The following ANKRD13C variants were observed in gnomAD, a reference collection of about 807,000 sequenced individuals.
The protein encoded by ANKRD13C is ankyrin repeat domain-containing protein 13C.
ANKRD13C carries 16 observed loss-of-function variants against 65.5 expected under a neutral mutation model. The ratio of observed to expected loss-of-function variants is 0.24; its 90% CI spans 0.17 to 0.37. ANKRD13C has a LOEUF of 0.37. Ranked by LOEUF, ANKRD13C falls within the 10% of genes least tolerant of loss-of-function variation. The pLI is 1.00. For missense variants in ANKRD13C, 503 were observed against 655.9 expected (o/e 0.77, Z 2.55); for synonymous variants, 235 against 238.7 (o/e 0.98, Z 0.14).
intron 11 of ANKRD13C, 129 bp from the exon 12 acceptor site, chr1:70,271,085 A>G: frequency 1.7e-6 from 1 of 585,278 alleles, no homozygotes; most frequent in Non-Finnish European, 3.1e-6. Flanking sequence ...AGTAAATTAC[A>G]GACTTTATTC....
At position 70,260,090 on chromosome 1, in the gene ANKRD13C, G is replaced by C. The variant is rs1026681730; in HGVS notation, c.*2627C>G. On this transcript the variant is annotated 3_prime_UTR_variant, in exon 13 of 13. Coordinates refer to ENST00000370944, the MANE Select transcript of ANKRD13C (RefSeq NM_030816.5). ...AAACCCATTTTTATTAGCATGAGTG[G>C]GGCTTAATTCCAGTTCTGAGCAGAA... Among the ~76,000 whole-genome samples the C allele has an allele frequency of 1.3e-5, 2 of 151,990 alleles. No homozygotes were observed. The highest frequency in any genetic ancestry group is 1.3e-4 in the Admixed American group (2 of 15,258).
chr1:70,326,188 G>A (rs908591683), intron 2 of ANKRD13C, among the ~76,000 whole-genome samples: 33 of 121,100 alleles, frequency 2.7e-4, no homozygotes, highest in Admixed American at 9.3e-4. Flanking sequence ...CCGAGATTGC[G>A]CCATTGCACT....
intron 3 of ANKRD13C, among the ~76,000 whole-genome samples, chr1:70,315,938 G>C (rs1572119764): frequency 1.3e-5 from 2 of 152,154 alleles, no homozygotes; most frequent in African/African-American, 4.8e-5. Flanking sequence ...GCTTTTACTA[G>C]TTTTTTAATT....
At chr1:70,282,576 T>C (rs892671792) in intron 9 of ANKRD13C, among the ~76,000 whole-genome samples, 2 of 152,112 alleles carry the variant, frequency 1.3e-5, no homozygotes, top group Non-Finnish European at 2.9e-5. Context: ...AATACCAAAT[T>C]CCAAATTTAC....
At chr1:70,317,758 A>C (rs1681133231) in intron 3 of ANKRD13C, among the ~76,000 whole-genome samples, 1 of 152,182 alleles carries the variant, frequency 6.6e-6, no homozygotes, top group Non-Finnish European at 1.5e-5. Flanking sequence ...AAGCTCAAGT[A>C]CCTTAATAAA....
intron 8 of ANKRD13C, chr1:70,293,584 T>G: frequency 1.0e-6 from 1 of 984,342 alleles, no homozygotes; most frequent in Non-Finnish European, 1.2e-6. Flanking sequence ...ATTAGCAGTT[T>G]CAATTTTTAT....
At chr1:70,271,136 T>C (rs1678859768) in intron 11 of ANKRD13C, among the ~76,000 whole-genome samples, 180 bp from the exon 12 acceptor site, 2 of 152,226 alleles carry the variant, frequency 1.3e-5, no homozygotes, top group Admixed American at 6.5e-5. Flanking sequence ...AACTTTTGAT[T>C]GTGCAGCCAT....
At chr1:70,275,546 G>GTTTAATTATGTAGTA (rs992044025) in intron 10 of ANKRD13C, among the ~76,000 whole-genome samples, 14 of 151,538 alleles carry the variant, frequency 9.2e-5, no homozygotes, top group Middle Eastern at 6.8e-3. Flanking sequence ...TCAAAGTTCA[G>GTTTAATTATGTAGTA]TTTAATTATG....
In ANKRD13C at chr1:70,354,017, A is replaced by AGAGAGGAGAGTCTCCTCACATCCC; in HGVS notation, c.368_391dup (p.Ser130_Leu131insArgAspValArgArgLeuSerSer). On this transcript the variant is annotated inframe_insertion, in exon 1 of 13. Coordinates refer to ENST00000370944, the MANE Select transcript of ANKRD13C (RefSeq NM_030816.5). ...CTGCCCGATATTGTGCGTGCGGATG[A>AGAGAGGAGAGTCTCCTCACATCCC]GAGAGGAGAGTCTCCTCACATCCCC... is the stretch of plus-strand genomic sequence containing the variant. The AGAGAGGAGAGTCTCCTCACATCCC allele has an allele frequency of 6.4e-7, 1 of 1,556,038 alleles. No homozygotes were observed.
chr1:70,301,200 TAC>T (rs529004801), intron 6 of ANKRD13C, among the ~76,000 whole-genome samples: 3 of 151,174 alleles, frequency 2.0e-5, no homozygotes, highest in South Asian at 2.1e-4. Flanking sequence ...TATATACACA[TAC>T]ACACACACAT....
At chr1:70,274,133 G>C (rs942915029) in intron 11 of ANKRD13C, among the ~76,000 whole-genome samples, 2 of 151,610 alleles carry the variant, frequency 1.3e-5, no homozygotes, top group African/African-American at 4.8e-5. Context: ...CATACTTTTG[G>C]ATTTTTTTAA....
At chr1:70,329,394 G>A (rs1009850178) in intron 2 of ANKRD13C, among the ~76,000 whole-genome samples, 5 of 152,000 alleles carry the variant, frequency 3.3e-5, no homozygotes, top group African/African-American at 7.3e-5. Flanking sequence ...GGTGGCCCAC[G>A]CCTGTAGTCC....
At position 70,336,101 on chromosome 1, in the gene ANKRD13C, TA is replaced by T. The variant is rs747972025; in HGVS notation, c.431-3del. 102 of 725,510 alleles carry T rather than the reference TA, an allele frequency of 1.4e-4. No individual in the cohort carries two copies. Among genetic ancestry groups the T allele is most frequent in the South Asian group, 2.0e-4 (6 of 30,434 alleles). The allele number at this position is 725,510 out of a possible 1,614,324, so 44.9% of individuals were successfully genotyped here. On this transcript the variant is annotated splice_polypyrimidine_tract_variant and splice_region_variant and intron_variant, in intron 1 of 12. Coordinates refer to ENST00000370944, the MANE Select transcript of ANKRD13C (RefSeq NM_030816.5). ...CAGCAAGGTGTAAAGGAGTATTTCC[TA>T]AAAAAAATAAAATAAAATAAATAAA...
intron 1 of ANKRD13C, among the ~76,000 whole-genome samples, chr1:70,345,715 C>T (rs1245979238): frequency 2.6e-5 from 4 of 152,198 alleles, no homozygotes; most frequent in Admixed American, 2.6e-4. Context: ...ACCCATCAAG[C>T]TTACCATGGT....
chr1:70,297,840 G>A (rs1289716596), intron 7 of ANKRD13C, among the ~76,000 whole-genome samples: 2 of 150,590 alleles, frequency 1.3e-5, no homozygotes, highest in African/African-American at 4.9e-5. Context: ...TTGAACCCGG[G>A]AGGTGGAGGT....
chr1:70,353,859 G>A (rs1682864462), intron 1 of ANKRD13C, 120 bp downstream of exon 1: 1 of 1,315,598 alleles, frequency 7.6e-7, no homozygotes, highest in East Asian at 2.6e-5. Flanking sequence ...TTTACCGAAC[G>A]GCCCGGATGA....
intron 8 of ANKRD13C, among the ~76,000 whole-genome samples, chr1:70,294,045 G>A (rs1475622256): frequency 1.3e-5 from 2 of 152,108 alleles, no homozygotes; most frequent in African/African-American, 4.8e-5. Flanking sequence ...CCATCATATA[G>A]AATACTATGC....
At chr1:70,317,069 T>C (rs1265294179) in intron 3 of ANKRD13C, among the ~76,000 whole-genome samples, 2 of 152,164 alleles carry the variant, frequency 1.3e-5, no homozygotes, top group African/African-American at 2.4e-5. Context: ...GATTTTTTTT[T>C]TTTGTCCACA....
At position 70,262,628 on chromosome 1, in the gene ANKRD13C, C is replaced by A; in HGVS notation, c.*89G>T. The stretch of plus-strand genomic sequence containing the variant: ...TCAATGTGTAATTCCCTTTTCTTCA[C>A]TGAAAGCATTTGTCCCTTCTATTTG... On this transcript the variant is annotated 3_prime_UTR_variant, in exon 13 of 13. Transcript: ENST00000370944. 7.3e-7 allele frequency: 1 copy of A among 1,364,358 alleles called. No homozygotes were observed. Among genetic ancestry groups the A allele is most frequent in the South Asian group, 1.8e-5 (1 of 55,098 alleles). 84.5% of individuals were successfully genotyped at this position (1,364,358 alleles called of 1,614,324 possible). A position where few individuals can be genotyped will look rare whatever the true frequency, so the allele number is the denominator to read the frequency against.
Sources: gnomAD v4.1 joint callset for allele counts (sites outside exome capture counted in the v4.1 genomes callset) on GRCh38, gnomAD v4.1.1 for gene constraint, MANE v1.5 for transcripts, NCBI Gene and HGNC (gene_info 2026-07-23, HGNC 2026-07-21) for gene names.